The following TMEM68 variants were observed in gnomAD, a reference collection of about 807,000 sequenced individuals.
TMEM68 encodes DGAT1/2-independent enzyme synthesizing storage lipids.
A neutral mutation model predicts 36.9 loss-of-function variants in TMEM68; 25 were observed. That is an observed-to-expected ratio of 0.68 (90% CI 0.49 to 0.95). The LOEUF is 0.95. Among genes scored for constraint, TMEM68 ranks in the 40% least tolerant of loss-of-function variants. The pLI is 0.00. For synonymous variants in TMEM68, 131 were observed against 124.4 expected (o/e 1.05, Z -0.35); for missense variants, 333 against 392.0 (o/e 0.85, Z 1.27).
intron 3 of TMEM68, among the ~76,000 whole-genome samples, chr8:55,759,405 T>C (rs1810713572): frequency 6.6e-6 from 1 of 151,870 alleles, no homozygotes; most frequent in Admixed American, 6.6e-5. Flanking sequence ...ACCCCATCTC[T>C]ACTAAAAATA....
intron 4 of TMEM68, chr8:55,751,686 ACAT>A: frequency 4.2e-6 from 1 of 239,240 alleles, no homozygotes; most frequent in South Asian, 4.7e-5. Flanking sequence ...AAAATAGCAA[ACAT>A]CATTAAGAGA....
rs1585700984 is a variant in TMEM68 at position 55,740,021 on chromosome 8, AT to A, written c.*110del. On this transcript the variant is annotated 3_prime_UTR_variant, in exon 8 of 8. Coordinates refer to ENST00000434581, the MANE Select transcript of TMEM68 (RefSeq NM_001286657.2). ...TCTGTGAAAGATGCTTATTAACATG[AT>A]TTTTTTAAAAAATACTAATTATAGG... The A allele has an allele frequency of 5.1e-6, 4 of 786,280 alleles. No individual in the cohort carries two copies. Among genetic ancestry groups the A allele is most frequent in the South Asian group, 4.3e-5 (2 of 46,572 alleles). 48.7% of individuals were successfully genotyped at this position (786,280 alleles called of 1,614,324 possible).
At chr8:55,755,041 G>A (rs1585720262) in intron 4 of TMEM68, among the ~76,000 whole-genome samples, 1 of 148,348 alleles carries the variant, frequency 6.7e-6, no homozygotes, top group Non-Finnish European at 1.5e-5. Context: ...GCTCGCACTT[G>A]TAATCCCAAA....
At chr8:55,764,643 A>G (rs1357681826) in intron 1 of TMEM68, among the ~76,000 whole-genome samples, 1 of 152,244 alleles carries the variant, frequency 6.6e-6, no homozygotes, top group Non-Finnish European at 1.5e-5. Flanking sequence ...GAAACATTTC[A>G]TCTAACTTCC....
intron 7 of TMEM68, among the ~76,000 whole-genome samples, chr8:55,742,690 C>G (rs1295310273): frequency 6.6e-6 from 1 of 151,992 alleles, no homozygotes; most frequent in Non-Finnish European, 1.5e-5. Context: ...CAAGTGTGAG[C>G]CACCAAGCAT....
In TMEM68 at chr8:55,759,558, TGA is replaced by T. The variant is rs561910186; in HGVS notation, c.325+3075_325+3076del. ...TGCACTCCAGCCTGGGACACAAGAG[TGA>T]GACTCTGTCTCAAAAATAAATAAAT... On this transcript the variant is annotated intron_variant, in intron 3 of 7. Coordinates refer to ENST00000434581, the MANE Select transcript of TMEM68 (RefSeq NM_001286657.2). Among the ~76,000 whole-genome samples, 305 of 151,736 alleles carry T rather than the reference TGA, an allele frequency of 2.0e-3. 1 individual carries two copies. Among genetic ancestry groups the T allele is most frequent in the African/African-American group, 6.9e-3 (284 of 41,374 alleles).
In TMEM68 at chr8:55,754,846, ATATT is replaced by A. The variant is rs996170037; in HGVS notation, c.493+1394_493+1397del. 8.0e-3 allele frequency among the ~76,000 whole-genome samples: 1,074 copies of A among 134,300 alleles called. 18 individuals are homozygous for A. The highest frequency in any genetic ancestry group is 0.011 in the Middle Eastern group (3 of 270). The allele number at this position is 134,300 out of a possible 152,430, so 88.1% of individuals were successfully genotyped here. On this transcript the variant is annotated intron_variant, in intron 4 of 7. Coordinates refer to ENST00000434581, the MANE Select transcript of TMEM68 (RefSeq NM_001286657.2). Reference sequence around the variant, plus strand: ...ATAAAATACATATATTATGTAATATATATTTATATTATATATAAAATATATAGTA... The same window carrying A: ...ATAAAATACATATATTATGTAATATATATATTATATATAAAATATATAGTA...
Position 55,756,234 on chromosome 8 carries a change from G to GA in TMEM68, c.493+9dup. On this transcript the variant is annotated intron_variant, in intron 4 of 7. Coordinates refer to ENST00000434581, the MANE Select transcript of TMEM68 (RefSeq NM_001286657.2). Reference sequence around the variant, plus strand: ...ACATTTTTACATTACTATCTACAGTGAAAGTTTACCTGGAATTTTAAAGAC... The same window carrying GA: ...ACATTTTTACATTACTATCTACAGTGAAAAGTTTACCTGGAATTTTAAAGAC... 6.3e-7 allele frequency: 1 copy of GA among 1,595,324 alleles called. No individual in the cohort carries two copies.
chr8:55,747,190 C>T (rs1810305512), intron 5 of TMEM68: 1 of 152,044 alleles, frequency 6.6e-6, no homozygotes, highest in African/African-American at 2.4e-5. Flanking sequence ...ATGGTGAACC[C>T]CATCTCTACT....
Position 55,743,477 on chromosome 8 carries a change from T to G in TMEM68, c.888+4A>C. 1 of 1,519,870 alleles carries G rather than the reference T, an allele frequency of 6.6e-7. No homozygotes were observed. The highest frequency in any genetic ancestry group is 8.8e-7 in the Non-Finnish European group (1 of 1,142,754). 94.1% of individuals were successfully genotyped at this position (1,519,870 alleles called of 1,614,324 possible). A position where few individuals can be genotyped will look rare whatever the true frequency, so the allele number is the denominator to read the frequency against. On this transcript the variant is annotated splice_donor_region_variant and intron_variant, in intron 7 of 7. Transcript: ENST00000434581. The stretch of plus-strand genomic sequence containing the variant: ...CTAAAACTAAAAAAGAAAAAGCAAT[T>G]TACCTTTTCAGCTAATTCTTCCGCT...
intron 6 of TMEM68, 30 bp from the exon 7 acceptor site, chr8:55,743,650 CTTG>C (rs145209593): frequency 0.049 from 74,513 of 1,520,246 alleles, 2,055 homozygotes; most frequent in East Asian, 0.099. Flanking sequence ...ATCATTTTAA[CTTG>C]TTAAGTATTC....
chr8:55,773,238 G>GGGGGCA (rs1192890815), intron 1 of TMEM68, 31 bp downstream of exon 1: 45 of 156,740 alleles, frequency 2.9e-4, no homozygotes, highest in African/African-American at 9.8e-4. Context: ...TCGGATAGGC[G>GGGGGCA]GGGGCAGGGG....
intron 7 of TMEM68, among the ~76,000 whole-genome samples, chr8:55,741,198 C>A (rs1810092637): frequency 6.6e-6 from 1 of 152,166 alleles, no homozygotes; most frequent in Non-Finnish European, 1.5e-5. Flanking sequence ...CGCCATTGCA[C>A]TGTAGCCTGG....
intron 1 of TMEM68, among the ~76,000 whole-genome samples, chr8:55,769,814 G>T (rs1367774198): frequency 6.6e-6 from 1 of 152,132 alleles, no homozygotes; most frequent in Non-Finnish European, 1.5e-5. Flanking sequence ...TGTATTTTTA[G>T]TAGAGATGGG....
intron 4 of TMEM68, among the ~76,000 whole-genome samples, chr8:55,753,252 A>T (rs886939348): frequency 6.6e-6 from 1 of 152,202 alleles, no homozygotes; most frequent in African/African-American, 2.4e-5. Context: ...ATTAGAGAAA[A>T]ACAGTTAAGT....
At chr8:55,744,800 A>G (rs1312527314) in intron 6 of TMEM68, among the ~76,000 whole-genome samples, 1 of 152,204 alleles carries the variant, frequency 6.6e-6, no homozygotes. Flanking sequence ...GTTTAAAACA[A>G]TAAACTAGCT....
intron 7 of TMEM68, among the ~76,000 whole-genome samples, chr8:55,740,768 A>G (rs1810077277): frequency 6.6e-6 from 1 of 151,614 alleles, no homozygotes; most frequent in African/African-American, 2.4e-5. Flanking sequence ...TGTGTTGCTC[A>G]GGCTGGTCTC....
At chr8:55,766,290 C>G (rs1458199138) in intron 1 of TMEM68, among the ~76,000 whole-genome samples, 1 of 151,008 alleles carries the variant, frequency 6.6e-6, no homozygotes. Flanking sequence ...TGAGGAGCAG[C>G]AAGGATGCCA....
At chr8:55,743,416 G>C in intron 7 of TMEM68, 65 bp downstream of exon 7, 1 of 1,472,224 alleles carries the variant, frequency 6.8e-7, no homozygotes, top group Non-Finnish European at 9.0e-7. Flanking sequence ...AAATCAATGA[G>C]ATTCAAAATA....
Sources: gnomAD v4.1 joint callset for allele counts (sites outside exome capture counted in the v4.1 genomes callset) on GRCh38, gnomAD v4.1.1 for gene constraint, MANE v1.5 for transcripts, NCBI Gene and HGNC (gene_info 2026-07-23, HGNC 2026-07-21) for gene names.